The following NELL1 variants were observed in gnomAD, a reference collection of about 807,000 sequenced individuals.
The protein encoded by NELL1 is neural EGFL like 1, also known as protein kinase C-binding protein NELL1.
A neutral mutation model predicts 107.4 loss-of-function variants in NELL1; 76 were observed. That is an observed-to-expected ratio of 0.71 (90% CI 0.59 to 0.86). The LOEUF is 0.86. Ranked by LOEUF, NELL1 falls within the 40% of genes least tolerant of loss-of-function variation. The probability of loss-of-function intolerance (pLI) is 0.00; values close to 1 mark genes in which losing one functional copy is unlikely to be tolerated. For missense variants in NELL1, 1,024 were observed against 1,005.5 expected (o/e 1.02, Z -0.25); for synonymous variants, 353 against 341.2 (o/e 1.03, Z -0.38).
chr11:20,971,146 G>T (rs985310089), intron 12 of NELL1, among the ~76,000 whole-genome samples: 6 of 152,036 alleles, frequency 3.9e-5, no homozygotes, highest in Non-Finnish European at 8.8e-5. Context: ...CTTGTGGCTG[G>T]ATGGTGCCCA....
rs575786960 is a variant in NELL1 at position 21,512,685 on chromosome 11, G to A, written c.1646-21689G>A. Among the ~76,000 whole-genome samples, 25 of 151,910 alleles carry A rather than the reference G, an allele frequency of 1.6e-4. No individual in the cohort carries two copies. The South Asian group carries it at 3.7e-3, about 23-fold the overall frequency. On this transcript the variant is annotated intron_variant, in intron 15 of 19. Transcript: ENST00000357134. Reference sequence around the variant, plus strand: ...TAGTCACAAATAGTCTACAAGGCAAGATCGATTATCTTTATTTCAAAGACA... The same window carrying A: ...TAGTCACAAATAGTCTACAAGGCAAAATCGATTATCTTTATTTCAAAGACA...
chr11:21,442,435 A>T (rs933914697), intron 15 of NELL1, among the ~76,000 whole-genome samples: 1 of 152,178 alleles, frequency 6.6e-6, no homozygotes, highest in Admixed American at 6.5e-5. Flanking sequence ...CAGAGGAGAC[A>T]CCCAAGAAAT....
chr11:21,115,137 G>A (rs939133043), intron 13 of NELL1, among the ~76,000 whole-genome samples: 16 of 152,070 alleles, frequency 1.1e-4, no homozygotes, highest in Admixed American at 3.3e-4. Context: ...TAGGATAGGC[G>A]CTCTGTCTGG....
At chr11:20,921,528 G>C (rs1201052666) in intron 7 of NELL1, among the ~76,000 whole-genome samples, 1 of 151,998 alleles carries the variant, frequency 6.6e-6, no homozygotes, top group Non-Finnish European at 1.5e-5. Flanking sequence ...TGACAAGAAA[G>C]GGTTAAGAAG....
intron 4 of NELL1, among the ~76,000 whole-genome samples, chr11:20,863,246 G>A (rs1296384325): frequency 2.8e-4 from 41 of 148,352 alleles, no homozygotes; most frequent in African/African-American, 9.4e-4. Flanking sequence ...CCTCCCTCCC[G>A]GATGGGGCGG....
At chr11:20,950,385 A>G (rs963491981) in intron 11 of NELL1, among the ~76,000 whole-genome samples, 5 of 152,232 alleles carry the variant, frequency 3.3e-5, no homozygotes, top group African/African-American at 1.2e-4. Context: ...GTCATCTTGA[A>G]CTAAGCCCCC....
chr11:21,553,522 C>T (rs536874909), intron 16 of NELL1, among the ~76,000 whole-genome samples: 26 of 151,908 alleles, frequency 1.7e-4, no homozygotes, highest in Non-Finnish European at 3.5e-4. Flanking sequence ...CAAGCTCAGC[C>T]TTACAGAGGT....
chr11:20,793,613 T>G (rs1857115964), intron 3 of NELL1, among the ~76,000 whole-genome samples: 1 of 149,826 alleles, frequency 6.7e-6, no homozygotes. Context: ...ACTGATGGTT[T>G]TATGTTTCCT....
chr11:20,699,140 C>T (rs1002628501), intron 2 of NELL1, among the ~76,000 whole-genome samples: 4 of 151,414 alleles, frequency 2.6e-5, no homozygotes, highest in Non-Finnish European at 5.9e-5. Context: ...TTGCTTGAAC[C>T]CAGGAGGCGG....
chr11:20,854,759 C>T (rs982707639), intron 4 of NELL1, among the ~76,000 whole-genome samples: 11 of 152,170 alleles, frequency 7.2e-5, no homozygotes, highest in African/African-American at 2.4e-4. Context: ...CTTGGTAGCT[C>T]GGTGACCTAC....
chr11:20,701,775 C>T (rs983185611), intron 2 of NELL1, among the ~76,000 whole-genome samples: 5 of 152,172 alleles, frequency 3.3e-5, no homozygotes, highest in African/African-American at 1.2e-4. Flanking sequence ...AATCCTTTCC[C>T]CATTGCTTGT....
At chr11:20,871,443 A>C (rs1429690841) in intron 4 of NELL1, among the ~76,000 whole-genome samples, 8 of 152,244 alleles carry the variant, frequency 5.3e-5, no homozygotes, top group African/African-American at 1.9e-4. Context: ...AAATAAATTT[A>C]CTGGTGTCTG....
At chr11:20,917,683 A>G in intron 5 of NELL1, among the ~76,000 whole-genome samples, 1 of 152,012 alleles carries the variant, frequency 6.6e-6, no homozygotes, top group Non-Finnish European at 1.5e-5. Context: ...TTTACTCTTA[A>G]GACTCATCAA....
At chr11:20,755,534 G>GTTTTTTT (rs1364309032) in intron 2 of NELL1, among the ~76,000 whole-genome samples, 5 of 90,280 alleles carry the variant, frequency 5.5e-5, no homozygotes, top group African/African-American at 1.7e-4. Flanking sequence ...ACCTGTGTGG[G>GTTTTTTT]TTTTTGTTTT....
At chr11:20,771,614 A>G (rs1856642802) in intron 2 of NELL1, among the ~76,000 whole-genome samples, 1 of 152,226 alleles carries the variant, frequency 6.6e-6, no homozygotes, top group South Asian at 2.1e-4. Flanking sequence ...GATACCTCTA[A>G]GTTCTAAAGA....
Position 21,283,926 on chromosome 11 carries a change from C to T in NELL1, c.1549+54472C>T, listed in dbSNP as rs530002297. 2.5e-4 allele frequency: 62 copies of T among 245,322 alleles called. No individual in the cohort carries two copies. The Middle Eastern group carries it at 4.9e-3, about 20-fold the overall frequency. 15.2% of individuals were successfully genotyped at this position (245,322 alleles called of 1,614,324 possible). A position where few individuals can be genotyped will look rare whatever the true frequency, so the allele number is the denominator to read the frequency against. On this transcript the variant is annotated intron_variant, in intron 14 of 19. Coordinates refer to ENST00000357134, the MANE Select transcript of NELL1 (RefSeq NM_006157.5). ...TTTTCTCACACAATTCCTCCATCAG[C>T]GAAGTGTGGTGGGCAGCACACAGTG...
chr11:21,147,817 C>G (rs751930899), intron 13 of NELL1, among the ~76,000 whole-genome samples: 1 of 68,378 alleles, frequency 1.5e-5, no homozygotes, highest in South Asian at 5.6e-4. Flanking sequence ...GCCTGGGCAA[C>G]AAGAGTGAAA....
chr11:20,872,389 C>T (rs553027272), intron 4 of NELL1, among the ~76,000 whole-genome samples: 18 of 152,058 alleles, frequency 1.2e-4, no homozygotes, highest in Non-Finnish European at 2.2e-4. Context: ...CCATGTTGCT[C>T]AGGCTGGTCT....
At chr11:20,900,194 C>T (rs1260927284) in intron 5 of NELL1, among the ~76,000 whole-genome samples, 2 of 152,072 alleles carry the variant, frequency 1.3e-5, no homozygotes, top group Non-Finnish European at 2.9e-5. Context: ...CTTCATGTGG[C>T]CTCTCGATTT....
Sources: gnomAD v4.1 joint callset for allele counts (sites outside exome capture counted in the v4.1 genomes callset) on GRCh38, gnomAD v4.1.1 for gene constraint, MANE v1.5 for transcripts, NCBI Gene and HGNC (gene_info 2026-07-23, HGNC 2026-07-21) for gene names.